PDE1C: variants seen among roughly 807,000 people sequenced by gnomAD.
The protein encoded by PDE1C is phosphodiesterase 1C.
PDE1C carries 62 observed loss-of-function variants against 93.1 expected under a neutral mutation model. The observed-to-expected ratio is 0.67, with a 90% CI of 0.54 to 0.82. The LOEUF (loss-of-function observed/expected upper bound fraction) is 0.82. Among genes scored for constraint, PDE1C ranks in the 40% least tolerant of loss-of-function variants. The pLI is 0.00. For missense variants in PDE1C, 742 were observed against 884.6 expected, an observed-to-expected ratio of 0.84 and a Z score of 2.04; for synonymous variants, 325 against 310.1, an observed-to-expected ratio of 1.05 and a Z score of -0.50.
At chr7:32,235,589 C>G (rs1808018571) in intron 1 of PDE1C, among the ~76,000 whole-genome samples, 1 of 151,990 alleles carries the variant, frequency 6.6e-6, no homozygotes, top group South Asian at 2.1e-4. Context: ...ACATAAACAT[C>G]TAGTGAAACA....
chr7:31,626,950 G>A, the PDE1C span, among the ~76,000 whole-genome samples: 3 of 152,200 alleles, frequency 2.0e-5, no homozygotes, highest in African/African-American at 4.8e-5. Flanking sequence ...TGGTCACCCA[G>A]CTTGAAGATT....
chr7:32,230,256 G>C (rs1313583047), intron 1 of PDE1C, among the ~76,000 whole-genome samples: 1 of 152,174 alleles, frequency 6.6e-6, no homozygotes, highest in Non-Finnish European at 1.5e-5. Flanking sequence ...ACTCAGTTCT[G>C]TCTGGGCTCA....
intron 2 of PDE1C, among the ~76,000 whole-genome samples, chr7:31,890,970 G>T (rs1490599211): frequency 2.0e-5 from 3 of 152,076 alleles, no homozygotes; most frequent in African/African-American, 7.2e-5. Flanking sequence ...GGAACTGTTG[G>T]AGTCTGCTAT....
intron 1 of PDE1C, among the ~76,000 whole-genome samples, chr7:32,238,378 G>A (rs1399473531): frequency 6.6e-6 from 1 of 152,148 alleles, no homozygotes; most frequent in Non-Finnish European, 1.5e-5. Context: ...TCATGAATAG[G>A]AAGACAACAG....
intron 3 of PDE1C, among the ~76,000 whole-genome samples, chr7:32,092,740 G>C (rs1442590241): frequency 2.0e-5 from 3 of 152,192 alleles, no homozygotes; most frequent in African/African-American, 7.2e-5. Context: ...GAAAAGCCAA[G>C]ATGGCACAAA....
At chr7:32,238,389 C>T (rs1808293912) in intron 1 of PDE1C, among the ~76,000 whole-genome samples, 1 of 152,136 alleles carries the variant, frequency 6.6e-6, no homozygotes, top group African/African-American at 2.4e-5. Context: ...AAGACAACAG[C>T]ATAAAGATGT....
chr7:32,123,803 G>A (rs1256712996), intron 3 of PDE1C, among the ~76,000 whole-genome samples: 5 of 152,162 alleles, frequency 3.3e-5, no homozygotes, highest in Admixed American at 6.5e-5. Flanking sequence ...TACAAGACAA[G>A]GATGCCCTCT....
intron 1 of PDE1C, among the ~76,000 whole-genome samples, chr7:32,264,758 G>A (rs531625568): frequency 1.5e-4 from 23 of 152,328 alleles, no homozygotes; most frequent in African/African-American, 5.3e-4. Context: ...GATGAATCAA[G>A]ATGTCCCATG....
At chr7:32,354,580 C>T (rs928625604) in intron 1 of PDE1C, among the ~76,000 whole-genome samples, 15 of 152,120 alleles carry the variant, frequency 9.9e-5, no homozygotes, top group Admixed American at 6.5e-5. Flanking sequence ...CCCTAGGTGA[C>T]AGAATGATAC....
At chr7:31,936,482 C>G (rs765241013) in intron 2 of PDE1C, among the ~76,000 whole-genome samples, 26 of 151,478 alleles carry the variant, frequency 1.7e-4, no homozygotes, top group Non-Finnish European at 3.5e-4. Context: ...TTATCCCAAA[C>G]TTACAGGCAT....
chr7:32,028,773 T>C (rs1789836224), intron 2 of PDE1C, among the ~76,000 whole-genome samples: 1 of 152,100 alleles, frequency 6.6e-6, no homozygotes, highest in Non-Finnish European at 1.5e-5. Context: ...CACTACACTG[T>C]GCAATCGATT....
At chr7:31,937,336 G>A (rs1563065453) in intron 2 of PDE1C, among the ~76,000 whole-genome samples, 1 of 152,144 alleles carries the variant, frequency 6.6e-6, no homozygotes, top group African/African-American at 2.4e-5. Flanking sequence ...TTTCTTTCAG[G>A]ACCTGCTGTG....
At chr7:32,073,508 G>C (rs1206448433), upstream of PDE1C, among the ~76,000 whole-genome samples, 2 of 152,142 alleles carry the variant, frequency 1.3e-5, no homozygotes, top group East Asian at 1.9e-4. Context: ...AAGGGAAGTA[G>C]TTAGTTCTCA....
intron 2 of PDE1C, among the ~76,000 whole-genome samples, chr7:32,027,928 T>G (rs1046899907): frequency 6.6e-6 from 1 of 152,034 alleles, no homozygotes; most frequent in Non-Finnish European, 1.5e-5. Context: ...GCAAGTCTTC[T>G]TGGGATTCAG....
At chr7:31,837,807 A>C (rs1791308927) in intron 10 of PDE1C, 63 bp downstream of exon 10, 1 of 1,000,660 alleles carries the variant, frequency 1.0e-6, no homozygotes, top group Non-Finnish European at 1.6e-6. Flanking sequence ...AGGGATAGCC[A>C]CATAGACGAG....
the PDE1C span, among the ~76,000 whole-genome samples, chr7:31,721,991 A>C: frequency 1.1e-3 from 169 of 152,342 alleles, 1 homozygote; most frequent in Admixed American, 2.1e-3. Flanking sequence ...GAGATTAAGT[A>C]TAACTCTTAC....
At chr7:32,308,102 G>A (rs1270825381) in intron 1 of PDE1C, among the ~76,000 whole-genome samples, 1 of 152,242 alleles carries the variant, frequency 6.6e-6, no homozygotes, top group Non-Finnish European at 1.5e-5. Flanking sequence ...GGCTCAGAGG[G>A]TCCAACGCCC....
chr7:31,893,551 T>C lies in PDE1C; in HGVS notation c.129-12691A>G, dbSNP rs955409528. On this transcript the variant is annotated intron_variant, in intron 2 of 17. Coordinates refer to ENST00000396191, the MANE Select transcript of PDE1C (RefSeq NM_001191057.4). ...TGAAGAATGGGACTCCTTTCACTTT[T>C]AGTTCTATTAAAATAGCTCTGGCTT... 9.6e-5 allele frequency: 90 copies of C among 936,710 alleles called. 1 individual carries two copies. Among genetic ancestry groups the C allele is most frequent in the Non-Finnish European group, 1.1e-4 (83 of 785,814 alleles). 58.0% of individuals were successfully genotyped at this position (936,710 alleles called of 1,614,324 possible).
At chr7:31,807,413 A>C (rs552866734) in intron 16 of PDE1C, among the ~76,000 whole-genome samples, 33 of 151,594 alleles carry the variant, frequency 2.2e-4, no homozygotes, top group African/African-American at 5.3e-4. Flanking sequence ...CCCTCCCCCC[A>C]AAAAAACCTG....
Sources: allele counts gnomAD v4.1 joint callset (sites outside exome capture counted in the v4.1 genomes callset), GRCh38; gene constraint gnomAD v4.1.1; transcripts MANE v1.5; gene names NCBI Gene and HGNC (gene_info 2026-07-23, HGNC 2026-07-21).